GOT1: variants seen among roughly 807,000 people sequenced by gnomAD.
The protein encoded by GOT1 is aspartate aminotransferase, cytoplasmic.
In GOT1, 25 loss-of-function variants were observed where a neutral mutation model predicts 48.2. The observed-to-expected ratio is 0.52, with a 90% CI of 0.38 to 0.72. GOT1 has a LOEUF of 0.72. Ranked by LOEUF, GOT1 falls within the 30% of genes least tolerant of loss-of-function variation. The pLI is 0.00. For synonymous variants in GOT1, 188 were observed against 193.8 expected (o/e 0.97, Z 0.25); for missense variants, 380 against 520.1 (o/e 0.73, Z 2.62).
Position 99,397,085 on chromosome 10 carries a change from T to A in GOT1, c.*462A>T, listed in dbSNP as rs1016475873. On this transcript the variant is annotated 3_prime_UTR_variant, in exon 9 of 9. Transcript: ENST00000370508. The surrounding 1 kb of genome is among the most constrained non-coding windows in gnomAD (Gnocchi z 5.4). ...AAGCTTAGGACTAGGGACACAACCA[T>A]GCAGAAAGAGCAGGGAGACCAGACA... 1 of 164,766 alleles carries A rather than the reference T, an allele frequency of 6.1e-6. No homozygotes were observed. The highest frequency in any genetic ancestry group is 2.4e-5 in the African/African-American group (1 of 41,798). 10.2% of individuals were successfully genotyped at this position (164,766 alleles called of 1,614,324 possible).
At chr10:99,400,831 C>T (rs182977309) in intron 8 of GOT1, among the ~76,000 whole-genome samples, 152 of 152,274 alleles carry the variant, frequency 1.0e-3, no homozygotes, top group African/African-American at 3.6e-3. Flanking sequence ...GTCCCAGCTA[C>T]TTGAGAGGCT....
intron 2 of GOT1, among the ~76,000 whole-genome samples, chr10:99,418,230 A>G (rs1175464174): frequency 6.6e-6 from 1 of 152,012 alleles, no homozygotes; most frequent in Non-Finnish European, 1.5e-5. Context: ...AAACAGGAGA[A>G]ACTAGATTAA....
chr10:99,419,839 T>C (rs1283657910), intron 2 of GOT1, among the ~76,000 whole-genome samples: 1 of 152,164 alleles, frequency 6.6e-6, no homozygotes, highest in Non-Finnish European at 1.5e-5. Flanking sequence ...CCAGCACTCA[T>C]AGGTCTCCCT....
At chr10:99,415,548 T>C (rs1182496298) in intron 2 of GOT1, among the ~76,000 whole-genome samples, 1 of 152,050 alleles carries the variant, frequency 6.6e-6, no homozygotes, top group Non-Finnish European at 1.5e-5. Context: ...TCTGAAACTA[T>C]TCCAATCAAT....
At chr10:99,430,362 C>A in intron 1 of GOT1, 86 bp downstream of exon 1, 4 of 1,607,800 alleles carry the variant, frequency 2.5e-6, no homozygotes, top group Non-Finnish European at 3.4e-6. Flanking sequence ...CACACTGGGC[C>A]TCGGCTTCTC....
intron 5 of GOT1, 71 bp from the exon 6 acceptor site, chr10:99,403,945 C>A: frequency 6.9e-7 from 1 of 1,447,402 alleles, no homozygotes; most frequent in Non-Finnish European, 9.7e-7. Flanking sequence ...GCCTTCCTTC[C>A]CCAGCTGATG....
chr10:99,406,291 T>A, intron 3 of GOT1, 42 bp from the exon 4 acceptor site: 3 of 1,384,366 alleles, frequency 2.2e-6, no homozygotes, highest in Non-Finnish European at 2.1e-6. Context: ...TTACAAACAC[T>A]AGGAGGCATG....
intron 2 of GOT1, among the ~76,000 whole-genome samples, chr10:99,409,594 A>G (rs570474967): frequency 1.3e-5 from 2 of 152,214 alleles, no homozygotes; most frequent in Non-Finnish European, 2.9e-5. Flanking sequence ...TTAATGAACA[A>G]TATTAATCCA....
At chr10:99,425,458 G>A (rs1199044982) in intron 1 of GOT1, among the ~76,000 whole-genome samples, 1 of 152,204 alleles carries the variant, frequency 6.6e-6, no homozygotes, top group Admixed American at 6.5e-5. Flanking sequence ...CAGAGAGAAG[G>A]ACAGAGACAG....
chr10:99,417,532 G>A (rs1189862941), intron 2 of GOT1, among the ~76,000 whole-genome samples: 1 of 152,138 alleles, frequency 6.6e-6, no homozygotes, highest in Non-Finnish European at 1.5e-5. Flanking sequence ...TGATTCCTCA[G>A]GGATCTAGAA....
intron 2 of GOT1, among the ~76,000 whole-genome samples, chr10:99,419,074 G>A (rs1195203020): frequency 6.6e-6 from 1 of 152,168 alleles, no homozygotes; most frequent in African/African-American, 2.4e-5. Flanking sequence ...GTATGGGTGT[G>A]CAACCTTTAT....
chr10:99,415,319 T>A (rs1194380495), intron 2 of GOT1, among the ~76,000 whole-genome samples: 1 of 152,090 alleles, frequency 6.6e-6, no homozygotes, highest in Non-Finnish European at 1.5e-5. Context: ...AACACCTCTA[T>A]GGAAATAAAC....
chr10:99,412,671 A>C (rs1046489979), intron 2 of GOT1, among the ~76,000 whole-genome samples: 4 of 152,058 alleles, frequency 2.6e-5, no homozygotes, highest in African/African-American at 9.7e-5. Context: ...CTGACCCCTG[A>C]GTAGCCTAAC....
At chr10:99,406,010 A>G (rs1294328000) in intron 4 of GOT1, 127 bp downstream of exon 4, 2 of 802,182 alleles carry the variant, frequency 2.5e-6, no homozygotes, top group Admixed American at 3.6e-5. Flanking sequence ...CTTACATGCT[A>G]TGTCAGAAAC....
chr10:99,403,514 C>T lies in GOT1; in HGVS notation c.914G>A (p.Arg305Gln), dbSNP rs769200718. 1.2e-5 allele frequency: 19 copies of T among 1,613,976 alleles called. No homozygotes were observed. The highest frequency in any genetic ancestry group is 1.6e-4 in the Middle Eastern group (1 of 6,084). ...TWSNPPAQGA[R>Q]IVASTLSNPE... ...GTTAGAGAGGGTGCTGGCCACAATT[C>T]GTGCTCCCTGGGCGGGGGGATTGGA... Residue 305 changes from arginine (R) to glutamine (Q), a missense_variant, in exon 7 of 9, where the codon CGA becomes CAA. Arg to Gln is a conservative substitution (Grantham distance 43, BLOSUM62 1). Coordinates refer to ENST00000370508, the MANE Select transcript of GOT1 (RefSeq NM_002079.3).
chr10:99,423,077 T>C (rs1268659356), intron 1 of GOT1, among the ~76,000 whole-genome samples: 1 of 152,256 alleles, frequency 6.6e-6, no homozygotes, highest in Non-Finnish European at 1.5e-5. Context: ...TTGTCCCAAT[T>C]GATACAGGAA....
In GOT1 at chr10:99,403,756, G is replaced by A; in HGVS notation, c.761C>T (p.Ala254Val). 1.9e-6 allele frequency: 3 copies of A among 1,614,192 alleles called. No homozygotes were observed. Among genetic ancestry groups the A allele is most frequent in the Non-Finnish European group, 2.5e-6 (3 of 1,180,026 alleles). The change falls in exon 6 of 9, where the codon GCC becomes GTC. Residue 254 changes from alanine to valine, a missense_variant. Transcript: ENST00000370508. Reference sequence around the variant, plus strand: ...CCCGAAGTTCTTGGAGAAGGACTGGGCACAGAAGAACTCGAAGCCTTCAGA... The same window carrying A: ...CCCGAAGTTCTTGGAGAAGGACTGGACACAGAAGAACTCGAAGCCTTCAGA... ...FVSEGFEFFC[A>V]QSFSKNFGLY...
At chr10:99,409,699 C>G (rs2032806958) in intron 2 of GOT1, among the ~76,000 whole-genome samples, 1 of 152,092 alleles carries the variant, frequency 6.6e-6, no homozygotes, top group Non-Finnish European at 1.5e-5. Flanking sequence ...AGAGAAAACC[C>G]AAATGATCAT....
At chr10:99,425,307 G>A (rs1463256426) in intron 1 of GOT1, among the ~76,000 whole-genome samples, 3 of 152,214 alleles carry the variant, frequency 2.0e-5, no homozygotes, top group Non-Finnish European at 2.9e-5. Context: ...GATTAGCTGG[G>A]AGTGGCTAAA....
Sources: gnomAD v4.1 joint callset for allele counts (sites outside exome capture counted in the v4.1 genomes callset) on GRCh38, gnomAD v4.1.1 for gene constraint, Gnocchi (gnomAD v3.1) non-coding constraint, MANE v1.5 for transcripts, NCBI Gene and HGNC (gene_info 2026-07-23, HGNC 2026-07-21) for gene names.